Variants in LUZP2 observed in about 807,000 individuals in gnomAD.
The protein encoded by LUZP2 is leucine zipper protein 2.
Under a neutral mutation model 51.6 loss-of-function variants are expected in LUZP2, and 52 were observed. The observed-to-expected ratio is 1.01, with a 90% CI of 0.81 to 1.27. The LOEUF (loss-of-function observed/expected upper bound fraction) is 1.27, where lower values mean the gene tolerates loss of function less well. LUZP2 is among the 50% of genes most tolerant of loss of function. The pLI, the probability that LUZP2 is intolerant of heterozygous loss-of-function variation, is 0.00. For synonymous variants in LUZP2, 154 were observed against 137.3 expected (o/e 1.12, Z -0.85); for missense variants, 436 against 395.4 (o/e 1.10, Z -0.87).
chr11:24,551,165 C>A (rs953409568), intron 1 of LUZP2, among the ~76,000 whole-genome samples: 3 of 151,842 alleles, frequency 2.0e-5, no homozygotes, highest in Non-Finnish European at 4.4e-5. Flanking sequence ...TGTTAAATAA[C>A]TTTTAGATAA....
intron 1 of LUZP2, among the ~76,000 whole-genome samples, chr11:24,698,549 C>G (rs979585413): frequency 3.9e-5 from 6 of 152,176 alleles, no homozygotes; most frequent in Admixed American, 3.9e-4. Flanking sequence ...GAAAGCTTGG[C>G]TCTTGTCTGC....
intron 6 of LUZP2, among the ~76,000 whole-genome samples, chr11:24,908,258 G>A (rs1853520173): frequency 6.6e-6 from 1 of 152,024 alleles, no homozygotes; most frequent in South Asian, 2.1e-4. Context: ...ATTCACAAGG[G>A]AAGCTACTAT....
At chr11:25,027,828 C>T (rs988218722) in intron 9 of LUZP2, among the ~76,000 whole-genome samples, 5 of 150,898 alleles carry the variant, frequency 3.3e-5, no homozygotes, top group African/African-American at 9.7e-5. Flanking sequence ...TGAGATCACG[C>T]CACTGCACTC....
At chr11:24,666,529 T>A (rs1243037903) in intron 1 of LUZP2, among the ~76,000 whole-genome samples, 1 of 152,070 alleles carries the variant, frequency 6.6e-6, no homozygotes, top group Non-Finnish European at 1.5e-5. Flanking sequence ...CCATTGAAAA[T>A]AGCTCCTGAG....
At chr11:25,004,121 C>T (rs778222541) in intron 9 of LUZP2, among the ~76,000 whole-genome samples, 7 of 152,112 alleles carry the variant, frequency 4.6e-5, no homozygotes, top group East Asian at 3.9e-4. Flanking sequence ...CATGAGCTGG[C>T]GCTTGACCTG....
At chr11:25,047,938 C>T (rs1858368225) in intron 9 of LUZP2, among the ~76,000 whole-genome samples, 1 of 151,406 alleles carries the variant, frequency 6.6e-6, no homozygotes, top group Non-Finnish European at 1.5e-5. Context: ...CCAGCCTCAG[C>T]CTCCTCATTA....
At chr11:24,631,847 T>C (rs950793781) in intron 1 of LUZP2, among the ~76,000 whole-genome samples, 43 of 151,996 alleles carry the variant, frequency 2.8e-4, no homozygotes, top group African/African-American at 1.0e-3. Context: ...ATTTTATTAC[T>C]GATTCAATCC....
chr11:24,930,416 C>T (rs1565125160), intron 7 of LUZP2, among the ~76,000 whole-genome samples: 2 of 152,132 alleles, frequency 1.3e-5, no homozygotes, highest in African/African-American at 2.4e-5. Flanking sequence ...TCTCATAGCG[C>T]TGGCTTAGCA....
intron 9 of LUZP2, among the ~76,000 whole-genome samples, chr11:25,016,078 G>A (rs1466360759): frequency 6.6e-6 from 1 of 151,708 alleles, no homozygotes; most frequent in African/African-American, 2.4e-5. Context: ...TCGCCACCAC[G>A]CCTAGCTAAT....
intron 9 of LUZP2, among the ~76,000 whole-genome samples, chr11:25,011,591 A>G (rs755495145): frequency 6.6e-6 from 1 of 152,190 alleles, no homozygotes; most frequent in African/African-American, 2.4e-5. Context: ...TTATATTAAA[A>G]CAAGACATAA....
chr11:24,865,775 T>C (rs1215109701), intron 5 of LUZP2, among the ~76,000 whole-genome samples: 2 of 42,856 alleles, frequency 4.7e-5, no homozygotes, highest in Non-Finnish European at 8.7e-5. Flanking sequence ...TATATATGCA[T>C]GTATATGTGT....
chr11:24,510,971 A>G (rs895650167), intron 1 of LUZP2, among the ~76,000 whole-genome samples: 8 of 152,102 alleles, frequency 5.3e-5, no homozygotes, highest in Non-Finnish European at 1.2e-4. Flanking sequence ...CCTTCTAAAT[A>G]GCAGCATGGA....
intron 1 of LUZP2, among the ~76,000 whole-genome samples, chr11:24,637,845 G>T (rs1855156636): frequency 6.6e-6 from 1 of 151,790 alleles, no homozygotes; most frequent in Admixed American, 6.6e-5. Flanking sequence ...TTTACCTTTT[G>T]CCTTGTGATC....
intron 1 of LUZP2, among the ~76,000 whole-genome samples, chr11:24,574,211 C>CCTTCCTTTCTTTCTTTCTTT (rs1301811202): frequency 1.5e-3 from 9 of 6,086 alleles, no homozygotes; most frequent in African/African-American, 1.8e-3. Flanking sequence ...TTTCTTCCTT[C>CCTTCCTTTCTTTCTTTCTTT]CTTTCTTTCT....
At chr11:25,019,489 T>C (rs1857265657) in intron 9 of LUZP2, among the ~76,000 whole-genome samples, 1 of 152,134 alleles carries the variant, frequency 6.6e-6, no homozygotes. Flanking sequence ...TCCTTATTTA[T>C]GAATTTTTAA....
At chr11:25,013,135 A>G (rs1388534128) in intron 9 of LUZP2, among the ~76,000 whole-genome samples, 2 of 152,178 alleles carry the variant, frequency 1.3e-5, no homozygotes, top group Non-Finnish European at 2.9e-5. Context: ...AAAGTCAAAT[A>G]TTGCATGTTC....
At chr11:24,723,349 C>T (rs962640238) in intron 1 of LUZP2, among the ~76,000 whole-genome samples, 3 of 152,108 alleles carry the variant, frequency 2.0e-5, no homozygotes, top group Admixed American at 1.3e-4. Flanking sequence ...CTTTATGATG[C>T]GGCAATTCCA....
chr11:24,805,210 C>T (rs551393737), intron 5 of LUZP2, among the ~76,000 whole-genome samples: 2 of 152,156 alleles, frequency 1.3e-5, no homozygotes, highest in Middle Eastern at 3.4e-3. Context: ...AAAGAGAGAG[C>T]TTGTGCAGGC....
At chr11:25,002,841 G>C (rs1365784951) in intron 9 of LUZP2, among the ~76,000 whole-genome samples, 1 of 152,050 alleles carries the variant, frequency 6.6e-6, no homozygotes, top group Non-Finnish European at 1.5e-5. Context: ...TCTGACCCTG[G>C]TTCCCATTCT....
Sources: allele counts gnomAD v4.1 joint callset (sites outside exome capture counted in the v4.1 genomes callset), GRCh38; gene constraint gnomAD v4.1.1; transcripts MANE v1.5; gene names NCBI Gene and HGNC (gene_info 2026-07-23, HGNC 2026-07-21).